TMEM120B: variants seen among roughly 807,000 people sequenced by gnomAD.
TMEM120B encodes the protein transmembrane protein 120B.
Under a neutral mutation model 55.5 loss-of-function variants are expected in TMEM120B, and 31 were observed. That is an observed-to-expected ratio of 0.56 (90% CI 0.42 to 0.75). TMEM120B has a LOEUF of 0.75. Ranked by LOEUF, TMEM120B falls within the 30% of genes least tolerant of loss-of-function variation. TMEM120B has a pLI of 0.00. For synonymous variants in TMEM120B, 203 were observed against 176.3 expected (o/e 1.15, Z -1.20); for missense variants, 399 against 425.5 (o/e 0.94, Z 0.55).
At chr12:121,767,368 G>C (rs1187783147) in intron 6 of TMEM120B, among the ~76,000 whole-genome samples, 3 of 152,146 alleles carry the variant, frequency 2.0e-5, no homozygotes, top group Non-Finnish European at 4.4e-5. Context: ...CACTATGTTA[G>C]CCAGGATGGT....
At chr12:121,728,030 CAG>C (rs1318061762) in intron 1 of TMEM120B, among the ~76,000 whole-genome samples, 2 of 151,858 alleles carry the variant, frequency 1.3e-5, no homozygotes, top group African/African-American at 2.4e-5. Context: ...CCCCCTAAGA[CAG>C]AGTCTCACTC....
intron 5 of TMEM120B, among the ~76,000 whole-genome samples, chr12:121,761,040 A>C (rs1160110305): frequency 6.6e-6 from 1 of 151,832 alleles, no homozygotes; most frequent in Non-Finnish European, 1.5e-5. Flanking sequence ...GTGCAATGGC[A>C]CGATCTCAGC....
At chr12:121,743,969 C>G (rs1592934273) in intron 2 of TMEM120B, among the ~76,000 whole-genome samples, 1 of 152,098 alleles carries the variant, frequency 6.6e-6, no homozygotes, top group Non-Finnish European at 1.5e-5. Context: ...GGTGACTGTC[C>G]CCTTCACCAG....
At chr12:121,733,546 T>C (rs1416761041) in intron 1 of TMEM120B, among the ~76,000 whole-genome samples, 1 of 136,684 alleles carries the variant, frequency 7.3e-6, no homozygotes, top group Non-Finnish European at 1.6e-5. Flanking sequence ...GCCTGGTATT[T>C]TTTTTTTTTT....
At chr12:121,772,991 A>T (rs769247563) in intron 8 of TMEM120B, among the ~76,000 whole-genome samples, 1 of 152,168 alleles carries the variant, frequency 6.6e-6, no homozygotes, top group Non-Finnish European at 1.5e-5. Flanking sequence ...ACAGTTTATC[A>T]TGGCTATTTT....
chr12:121,721,332 C>G (rs1295737029), intron 1 of TMEM120B, among the ~76,000 whole-genome samples: 1 of 152,098 alleles, frequency 6.6e-6, no homozygotes, highest in Non-Finnish European at 1.5e-5. Context: ...GCACACACCA[C>G]CACACTTGGC....
At chr12:121,744,042 G>C (rs1424684708) in intron 2 of TMEM120B, among the ~76,000 whole-genome samples, 1 of 151,526 alleles carries the variant, frequency 6.6e-6, no homozygotes, top group African/African-American at 2.4e-5. Flanking sequence ...GGCTGAAGGA[G>C]AGTGTCTCTC....
At chr12:121,765,593 A>C (rs1486961980) in intron 6 of TMEM120B, among the ~76,000 whole-genome samples, 1 of 152,172 alleles carries the variant, frequency 6.6e-6, no homozygotes, top group Non-Finnish European at 1.5e-5. Context: ...AAATAGATGC[A>C]TTATCTTCTA....
intron 1 of TMEM120B, among the ~76,000 whole-genome samples, chr12:121,734,537 C>T (rs1232997123): frequency 2.6e-5 from 4 of 151,788 alleles, no homozygotes; most frequent in Non-Finnish European, 4.4e-5. Flanking sequence ...GGATTACAGG[C>T]GTGAGCCACC....
chr12:121,769,424 G>C (rs559346993), intron 6 of TMEM120B, among the ~76,000 whole-genome samples: 1 of 152,278 alleles, frequency 6.6e-6, no homozygotes, highest in East Asian at 1.9e-4. Flanking sequence ...AAGAATGTCT[G>C]GCCAGGCACA....
At chr12:121,766,750 C>G (rs976929319) in intron 6 of TMEM120B, among the ~76,000 whole-genome samples, 1 of 152,150 alleles carries the variant, frequency 6.6e-6, no homozygotes, top group Admixed American at 6.5e-5. Flanking sequence ...CAGAGGCCAC[C>G]CAATGAGGAT....
intron 4 of TMEM120B, among the ~76,000 whole-genome samples, chr12:121,751,027 C>T (rs1873297854): frequency 7.9e-6 from 1 of 127,032 alleles, no homozygotes; most frequent in East Asian, 2.6e-4. Context: ...ACCCAACACC[C>T]ACACCCCAAA....
chr12:121,722,614 A>G (rs1308606431), intron 1 of TMEM120B, among the ~76,000 whole-genome samples: 1 of 152,210 alleles, frequency 6.6e-6, no homozygotes. Context: ...AGGGGTATGT[A>G]CAATGTGGCA....
Position 121,781,388 on chromosome 12 carries a change from T to C in TMEM120B, c.*5666T>C. 1.8e-6 allele frequency: 1 copy of C among 562,684 alleles called. No homozygotes were observed. Among genetic ancestry groups the C allele is most frequent in the Non-Finnish European group, 3.2e-6 (1 of 314,392 alleles). 34.9% of individuals were successfully genotyped at this position (562,684 alleles called of 1,614,324 possible). ...CGGGAGGCTGAGGCCGGAGGATCGC[T>C]TGAGCCCAGGAGGTCAAGGCTACAG... On this transcript the variant is annotated 3_prime_UTR_variant, in exon 12 of 12. Coordinates refer to ENST00000449592, the MANE Select transcript of TMEM120B (RefSeq NM_001080825.2).
chr12:121,781,182 GTCT>G lies in TMEM120B; in HGVS notation c.*5465_*5467del, dbSNP rs771228476. Reference sequence around the variant, plus strand: ...AGGACAGGGGCCGCAGCCGGTCATAGTCTTCTTGCCCTGAAAGCACAGAGCAGC... The same window carrying G: ...AGGACAGGGGCCGCAGCCGGTCATAGTCTTGCCCTGAAAGCACAGAGCAGC... On this transcript the variant is annotated 3_prime_UTR_variant, in exon 12 of 12. Transcript: ENST00000449592. The G allele has an allele frequency of 9.3e-6, 15 of 1,614,102 alleles. No individual in the cohort carries two copies. Among genetic ancestry groups the G allele is most frequent in the African/African-American group, 6.7e-5 (5 of 74,946 alleles).
intron 6 of TMEM120B, among the ~76,000 whole-genome samples, chr12:121,769,805 G>A (rs1873976153): frequency 6.6e-6 from 1 of 151,884 alleles, no homozygotes; most frequent in South Asian, 2.1e-4. Context: ...ATAGACTGGT[G>A]AACAATAGAG....
At chr12:121,750,652 C>T (rs531312545) in intron 4 of TMEM120B, among the ~76,000 whole-genome samples, 23 of 137,106 alleles carry the variant, frequency 1.7e-4, no homozygotes, top group African/African-American at 6.8e-4. Context: ...TGCGAACCCA[C>T]ACCCACACCC....
rs1874457296 is a variant in TMEM120B at position 121,781,521 on chromosome 12, A to C, written c.*5799A>C. 3.3e-6 allele frequency: 1 copy of C among 299,284 alleles called. No homozygotes were observed. The highest frequency in any genetic ancestry group is 3.3e-5 in the South Asian group (1 of 30,036). The allele number at this position is 299,284 out of a possible 1,614,324, so 18.5% of individuals were successfully genotyped here. ...GCCCCCCAGTCCTGGATGGTGGTAA[A>C]GAATCCTCAAGATCAAACCCACGCA... On this transcript the variant is annotated 3_prime_UTR_variant, in exon 12 of 12. Coordinates refer to ENST00000449592, the MANE Select transcript of TMEM120B (RefSeq NM_001080825.2).
chr12:121,765,716 T>C (rs1164423666), intron 6 of TMEM120B, among the ~76,000 whole-genome samples: 2 of 152,200 alleles, frequency 1.3e-5, no homozygotes, highest in Non-Finnish European at 2.9e-5. Flanking sequence ...GCAGGTGGGC[T>C]AAATCCGAGT....
Sources: gnomAD v4.1 joint callset for allele counts (sites outside exome capture counted in the v4.1 genomes callset) on GRCh38, gnomAD v4.1.1 for gene constraint, MANE v1.5 for transcripts, NCBI Gene and HGNC (gene_info 2026-07-23, HGNC 2026-07-21) for gene names.